The following HBP1 variants were observed in gnomAD, a reference collection of about 807,000 sequenced individuals.
HBP1 encodes HMG-box transcription factor 1.
A neutral mutation model predicts 62.6 loss-of-function variants in HBP1; 20 were observed. The ratio of observed to expected loss-of-function variants is 0.32; its 90% confidence interval spans 0.22 to 0.46. The LOEUF (loss-of-function observed/expected upper bound fraction) is 0.46, where lower values mean the gene tolerates loss of function less well. HBP1 is among the 20% of genes least tolerant of loss of function. The pLI is 1.00. For missense variants in HBP1, 480 were observed against 611.8 expected (o/e 0.78, Z 2.27); for synonymous variants, 232 against 206.2 (o/e 1.12, Z -1.07).
intron 10 of HBP1, chr7:107,201,183 C>T (rs1452443525): frequency 1.3e-5 from 5 of 384,572 alleles, no homozygotes; most frequent in Non-Finnish European, 1.9e-5. Context: ...TTCATGTGTT[C>T]GGACTTTTCC....
At chr7:107,193,872 AAAT>A (rs1204437619) in intron 8 of HBP1, among the ~76,000 whole-genome samples, 1 of 152,212 alleles carries the variant, frequency 6.6e-6, no homozygotes, top group East Asian at 1.9e-4. Flanking sequence ...TCCTTTAAAA[AAAT>A]CTGTAGAATG....
Position 107,171,073 on chromosome 7 carries a change from A to ATTTTTTTTTTT in HBP1, c.-16+1893_-16+1903dup, listed in dbSNP as rs60734729. On this transcript the variant is annotated intron_variant, in intron 1 of 10. Transcript: ENST00000222574. ...TATATATATATATATATATATATAT[A>ATTTTTTTTTTT]TTTTTTTTTTTTTTTGAGAGGGAGT... Among the ~76,000 whole-genome samples the ATTTTTTTTTTT allele has an allele frequency of 3.7e-4, 32 of 87,196 alleles. 3 individuals are homozygous for ATTTTTTTTTTT. Among genetic ancestry groups the ATTTTTTTTTTT allele is most frequent in the African/African-American group, 1.7e-3 (25 of 15,124 alleles). 57.2% of individuals were successfully genotyped at this position (87,196 alleles called of 152,430 possible). A position where few individuals can be genotyped will look rare whatever the true frequency, so the allele number is the denominator to read the frequency against.
chr7:107,184,474 A>G (rs1379736138), intron 3 of HBP1, among the ~76,000 whole-genome samples: 1 of 152,118 alleles, frequency 6.6e-6, no homozygotes, highest in East Asian at 1.9e-4. Context: ...ATTCTCAGGG[A>G]ATAAGGGAAA....
chr7:107,184,080 C>A (rs1209299096), intron 3 of HBP1, among the ~76,000 whole-genome samples: 2 of 152,066 alleles, frequency 1.3e-5, no homozygotes, highest in East Asian at 3.8e-4. Context: ...CACATTGTTC[C>A]CTTCATTTTT....
chr7:107,177,087 A>G (rs754837064), intron 1 of HBP1, among the ~76,000 whole-genome samples: 5 of 152,220 alleles, frequency 3.3e-5, no homozygotes, highest in Non-Finnish European at 5.9e-5. Flanking sequence ...ACAGACCCAA[A>G]GTATGTTTAA....
At chr7:107,170,822 C>T (rs1282420880) in intron 1 of HBP1, among the ~76,000 whole-genome samples, 1 of 151,312 alleles carries the variant, frequency 6.6e-6, no homozygotes, top group Non-Finnish European at 1.5e-5. Context: ...GATTGCCCAC[C>T]TACATGTCTC....
At chr7:107,188,624 A>G (rs1797500456) in intron 6 of HBP1, among the ~76,000 whole-genome samples, 1 of 152,156 alleles carries the variant, frequency 6.6e-6, no homozygotes, top group Non-Finnish European at 1.5e-5. Flanking sequence ...ATATTCATTG[A>G]ATTTAAATTT....
intron 1 of HBP1, 78 bp from the exon 2 acceptor site, chr7:107,179,801 C>A: frequency 2.3e-6 from 2 of 859,476 alleles, no homozygotes; most frequent in Non-Finnish European, 3.6e-6. Flanking sequence ...ATTGTCATGT[C>A]TCTGATTTAT....
At chr7:107,193,235 CTATA>C (rs1186567220) in intron 8 of HBP1, 3 of 151,980 alleles carry the variant, frequency 2.0e-5, no homozygotes. Flanking sequence ...TGAGTGCCTA[CTATA>C]TATATAATGT....
At chr7:107,172,695 A>G (rs1409354931) in intron 1 of HBP1, among the ~76,000 whole-genome samples, 1 of 152,162 alleles carries the variant, frequency 6.6e-6, no homozygotes, top group African/African-American at 2.4e-5. Flanking sequence ...GTGGGATGTA[A>G]TATCTTTTAT....
intron 9 of HBP1, chr7:107,196,715 C>T (rs962053212): frequency 4.9e-5 from 8 of 164,394 alleles, no homozygotes; most frequent in Middle Eastern, 3.1e-3. Flanking sequence ...AGTACAGCGG[C>T]GCAACTCACT....
chr7:107,195,385 G>C (rs568728267), intron 8 of HBP1, among the ~76,000 whole-genome samples: 79 of 152,208 alleles, frequency 5.2e-4, no homozygotes, highest in Non-Finnish European at 1.0e-3. Context: ...GTTTTCTATA[G>C]TAGTCCTTAG....
intron 1 of HBP1, among the ~76,000 whole-genome samples, chr7:107,171,433 A>G (rs1044838323): frequency 1.3e-5 from 2 of 152,034 alleles, no homozygotes; most frequent in African/African-American, 4.8e-5. Context: ...AAGAAGGCAT[A>G]TGGCACGATG....
In HBP1 at chr7:107,201,783, A is replaced by AATT. The variant is rs1346044938; in HGVS notation, c.*353_*355dup. ...TTTATTTTAAATTGTACGAAAGGGG[A>AATT]ATTTAAAAAATATGTAACTGCTGTT... On this transcript the variant is annotated 3_prime_UTR_variant, in exon 11 of 11. Coordinates refer to ENST00000222574, the MANE Select transcript of HBP1 (RefSeq NM_012257.4). 1.5e-5 allele frequency: 3 copies of AATT among 194,788 alleles called. No individual in the cohort carries two copies. The highest frequency in any genetic ancestry group is 3.1e-5 in the Non-Finnish European group (3 of 96,034). The allele number at this position is 194,788 out of a possible 1,614,324, so 12.1% of individuals were successfully genotyped here.
intron 1 of HBP1, among the ~76,000 whole-genome samples, chr7:107,171,108 T>C (rs1433034892): frequency 7.5e-6 from 1 of 133,880 alleles, no homozygotes; most frequent in African/African-American, 3.0e-5. Context: ...TCTCGCTCTG[T>C]CGCCAGGCTG....
At chr7:107,174,984 TAATA>T (rs991285928) in intron 1 of HBP1, among the ~76,000 whole-genome samples, 3 of 152,240 alleles carry the variant, frequency 2.0e-5, no homozygotes, top group Non-Finnish European at 2.9e-5. Context: ...TCTTAAGAGT[TAATA>T]AATAAGGAAT....
rs201467494 is a variant in HBP1, at chr7:107,189,273, G to A, written c.766-19G>A. 1.1e-4 allele frequency: 180 copies of A among 1,598,504 alleles called. 1 individual carries two copies. In the African/African-American group the frequency reaches 2.0e-3, roughly 18 times the overall value. Reference sequence around the variant, plus strand: ...AATTGAACATTTCCAATTCATTCACGCTATGCATATATTTTCAGGGCTATG... The same window carrying A: ...AATTGAACATTTCCAATTCATTCACACTATGCATATATTTTCAGGGCTATG... On this transcript the variant is annotated intron_variant, in intron 6 of 10. Coordinates refer to ENST00000222574, the MANE Select transcript of HBP1 (RefSeq NM_012257.4).
At chr7:107,200,455 A>G in intron 10 of HBP1, 154 bp downstream of exon 10, 1 of 482,388 alleles carries the variant, frequency 2.1e-6, no homozygotes, top group Non-Finnish European at 3.5e-6. Context: ...TCACATCATC[A>G]TATAAAGACT....
At chr7:107,170,979 A>T (rs1277770142) in intron 1 of HBP1, among the ~76,000 whole-genome samples, 1 of 145,404 alleles carries the variant, frequency 6.9e-6, no homozygotes, top group Admixed American at 6.9e-5. Context: ...TATAACATAC[A>T]TGTATATATA....
Sources: gnomAD v4.1 joint callset for allele counts (sites outside exome capture counted in the v4.1 genomes callset) on GRCh38, gnomAD v4.1.1 for gene constraint, MANE v1.5 for transcripts, NCBI Gene and HGNC (gene_info 2026-07-23, HGNC 2026-07-21) for gene names.